The following HERC4 variants were observed in gnomAD, a reference collection of about 807,000 sequenced individuals.
The protein encoded by HERC4 is HECT and RLD domain containing E3 ubiquitin protein ligase 4, also known as probable E3 ubiquitin-protein ligase HERC4.
Under a neutral mutation model 124.3 loss-of-function variants are expected in HERC4, and 28 were observed. The ratio of observed to expected loss-of-function variants is 0.23; its 90% CI spans 0.17 to 0.31. HERC4 has a LOEUF of 0.31. Among genes scored for constraint, HERC4 ranks in the 10% least tolerant of loss-of-function variants. The probability of loss-of-function intolerance (pLI) is 1.00; values close to 1 mark genes in which losing one functional copy is unlikely to be tolerated. For synonymous variants in HERC4, 407 were observed against 421.5 expected, an observed-to-expected ratio of 0.97 and a Z score of 0.42; for missense variants, 713 against 1,229.3, an observed-to-expected ratio of 0.58 and a Z score of 6.28.
chr10:68,059,668 T>TCA (rs1564608520), intron 3 of HERC4, among the ~76,000 whole-genome samples: 4 of 73,262 alleles, frequency 5.5e-5, no homozygotes, highest in African/African-American at 3.1e-4. Flanking sequence ...ATATTATATA[T>TCA]TATATTATAT....
At chr10:68,072,362 G>C (rs2041616158) in intron 3 of HERC4, among the ~76,000 whole-genome samples, 1 of 151,964 alleles carries the variant, frequency 6.6e-6, no homozygotes, top group Non-Finnish European at 1.5e-5. Context: ...ACAGAAAGTA[G>C]AAGATGAGAG....
At chr10:67,952,732 A>G (rs2033883095) in intron 19 of HERC4, among the ~76,000 whole-genome samples, 1 of 151,772 alleles carries the variant, frequency 6.6e-6, no homozygotes, top group Admixed American at 6.6e-5. Flanking sequence ...CCCCGTCTCT[A>G]CTAAAAATAT....
chr10:68,028,379 A>C (rs987458511), intron 7 of HERC4, among the ~76,000 whole-genome samples: 2 of 152,066 alleles, frequency 1.3e-5, no homozygotes, highest in Non-Finnish European at 2.9e-5. Context: ...GATGTTTTCC[A>C]TTTTTTGCAG....
intron 15 of HERC4, among the ~76,000 whole-genome samples, chr10:67,987,052 G>A (rs998906431): frequency 1.3e-5 from 2 of 150,372 alleles, no homozygotes; most frequent in African/African-American, 5.0e-5. Flanking sequence ...TACAGACAAA[G>A]GAGGTTCTAG....
At chr10:68,036,192 C>T (rs1187637492) in intron 5 of HERC4, among the ~76,000 whole-genome samples, 1 of 151,822 alleles carries the variant, frequency 6.6e-6, no homozygotes, top group Non-Finnish European at 1.5e-5. Context: ...GTGGCAGGCG[C>T]CTGTAGTCCC....
At chr10:67,995,458 T>C (rs2036814585) in intron 9 of HERC4, among the ~76,000 whole-genome samples, 1 of 152,190 alleles carries the variant, frequency 6.6e-6, no homozygotes, top group African/African-American at 2.4e-5. Context: ...TCTTTGATAC[T>C]AAAGAGGGTA....
Position 68,038,105 on chromosome 10 carries a change from C to T in HERC4, c.451G>A (p.Ala151Thr). Residue 151 changes from alanine to threonine, a missense_variant, in exon 5 of 25, where the codon GCA (alanine) becomes ACA (threonine). By Grantham distance (58) the Ala-to-Thr change is moderately conservative (BLOSUM62 0). Transcript: ENST00000373700. ...AACTAATGCTTACCTTTAGAAAGTG[C>T]AAGTGAATGATAGTAACCACAAGCA... ...QVACGYYHSLALSKASEVFCW... is the reference protein window; with the variant it reads ...QVACGYYHSLTLSKASEVFCW... The T allele has an allele frequency of 6.7e-7, 1 of 1,502,816 alleles. No homozygotes were observed. Among genetic ancestry groups the T allele is most frequent in the East Asian group, 2.5e-5 (1 of 40,412 alleles). 93.1% of individuals were successfully genotyped at this position (1,502,816 alleles called of 1,614,324 possible). A position where few individuals can be genotyped will look rare whatever the true frequency, so the allele number is the denominator to read the frequency against.
chr10:67,924,847 T>C (rs1002531009), intron 24 of HERC4, among the ~76,000 whole-genome samples: 1 of 152,246 alleles, frequency 6.6e-6, no homozygotes, highest in Non-Finnish European at 1.5e-5. Flanking sequence ...ATTGTAACTA[T>C]AACATAGCTA....
intron 8 of HERC4, among the ~76,000 whole-genome samples, chr10:68,017,275 C>G (rs1241405308): frequency 1.3e-5 from 2 of 152,190 alleles, no homozygotes; most frequent in East Asian, 3.8e-4. Context: ...GAAACACAGC[C>G]TGAGCAAAGT....
rs1564606514 is a variant in HERC4, at chr10:68,059,441, A to AATATTATATATT, written c.226+13441_226+13442insAATATATAATAT. On this transcript the variant is annotated intron_variant, in intron 3 of 24. Transcript: ENST00000373700. ...GTTGTTTTGTTTCTCTCGCTATTAT[A>AATATTATATATT]ATAATATTATATATTATAATAATAT... Among the ~76,000 whole-genome samples, 11 of 124,054 alleles carry AATATTATATATT rather than the reference A, an allele frequency of 8.9e-5. No individual in the cohort carries two copies. The East Asian group carries it at 2.4e-3, about 27-fold the overall frequency. 81.4% of individuals were successfully genotyped at this position (124,054 alleles called of 152,430 possible). A position where few individuals can be genotyped will look rare whatever the true frequency, so the allele number is the denominator to read the frequency against.
chr10:68,032,333 G>A (rs1035636967), intron 7 of HERC4, among the ~76,000 whole-genome samples: 3 of 152,048 alleles, frequency 2.0e-5, no homozygotes, highest in Non-Finnish European at 4.4e-5. Context: ...CACAATACTT[G>A]GCCTATGAAT....
intron 8 of HERC4, among the ~76,000 whole-genome samples, chr10:68,020,106 T>C (rs532756131): frequency 8.9e-4 from 136 of 152,288 alleles, no homozygotes; most frequent in African/African-American, 3.2e-3. Flanking sequence ...AGGTATAGGC[T>C]AAGAAAAGAC....
intron 7 of HERC4, among the ~76,000 whole-genome samples, chr10:68,031,975 G>A (rs752706779): frequency 1.2e-4 from 19 of 152,054 alleles, no homozygotes; most frequent in Non-Finnish European, 2.2e-4. Context: ...TGGTCTTGAA[G>A]TCCTGACCAC....
chr10:68,049,070 CCT>C (rs1434864962), intron 3 of HERC4, among the ~76,000 whole-genome samples: 3 of 151,810 alleles, frequency 2.0e-5, no homozygotes, highest in Non-Finnish European at 4.4e-5. Context: ...TACAGATATA[CCT>C]CTGTGTATGT....
At chr10:67,934,895 T>C (rs1054908617) in intron 22 of HERC4, among the ~76,000 whole-genome samples, 3 of 151,912 alleles carry the variant, frequency 2.0e-5, no homozygotes, top group Admixed American at 6.5e-5. Flanking sequence ...ATGTCATTCG[T>C]TTCTGGGAAG....
At chr10:67,992,398 A>G in intron 10 of HERC4, 75 bp from the exon 11 acceptor site, 4 of 1,539,046 alleles carry the variant, frequency 2.6e-6, no homozygotes, top group African/African-American at 1.4e-5. Flanking sequence ...TTCCCACCAT[A>G]TATTTGTTCT....
intron 9 of HERC4, among the ~76,000 whole-genome samples, chr10:68,000,356 T>C (rs533750796): frequency 1.9e-4 from 29 of 152,174 alleles, no homozygotes; most frequent in African/African-American, 6.5e-4. Context: ...GGTAGGCACA[T>C]TGCTTGAGCT....
chr10:68,045,562 C>T lies in HERC4; in HGVS notation c.227-999G>A, dbSNP rs182356179. Among the ~76,000 whole-genome samples the T allele has an allele frequency of 5.7e-3, 867 of 152,144 alleles. 11 individuals carry two copies. The highest frequency in any genetic ancestry group is 0.02 in the African/African-American group (821 of 41,496). ...AACAGAAATTAACTTAAAATATTGG[C>T]CCTTAAAATACTGGCCCTACTACCA... On this transcript the variant is annotated intron_variant, in intron 3 of 24. Transcript: ENST00000373700.
intron 19 of HERC4, among the ~76,000 whole-genome samples, chr10:67,951,936 C>T (rs1441572145): frequency 1.3e-5 from 2 of 152,180 alleles, no homozygotes; most frequent in Non-Finnish European, 2.9e-5. Context: ...ATGCATACAA[C>T]ACACTAGCCT....
Sources: gnomAD v4.1 joint callset for allele counts (sites outside exome capture counted in the v4.1 genomes callset) on GRCh38, gnomAD v4.1.1 for gene constraint, MANE v1.5 for transcripts, NCBI Gene and HGNC (gene_info 2026-07-23, HGNC 2026-07-21) for gene names.